Variants in PIEZO2 observed in about 807,000 individuals in gnomAD.
PIEZO2 encodes the protein piezo type mechanosensitive ion channel component 2.
PIEZO2 carries 172 observed loss-of-function variants against 337.3 expected under a neutral mutation model. The observed-to-expected ratio is 0.51, with a 90% CI of 0.45 to 0.58. The LOEUF is 0.58. PIEZO2 is among the 20% of genes least tolerant of loss of function. The pLI is 0.00. For synonymous variants in PIEZO2, 1,251 were observed against 1,228.5 expected (o/e 1.02, Z -0.38); for missense variants, 3,028 against 3,391.3 (o/e 0.89, Z 2.66).
Position 11,129,713 on chromosome 18 carries a change from G to T in PIEZO2, c.64+18812C>A, listed in dbSNP as rs2040286603. ...AAGGAGACCTCCAGACTTTTACCAG[G>T]GTAACTGTGCATTGAGGAAAGGGAA... On this transcript the variant is annotated intron_variant, in intron 1 of 55. Transcript: ENST00000674853. This position sits in a 1 kb window ranked among gnomAD's most constrained non-coding sequence, Gnocchi z 4.6. Among the ~76,000 whole-genome samples the T allele has an allele frequency of 6.6e-6, 1 of 152,104 alleles. No individual in the cohort carries two copies. Among genetic ancestry groups the T allele is most frequent in the African/African-American group, 2.4e-5 (1 of 41,404 alleles).
At chr18:11,054,715 T>G (rs2037653619) in intron 2 of PIEZO2, among the ~76,000 whole-genome samples, 1 of 152,218 alleles carries the variant, frequency 6.6e-6, no homozygotes, top group Admixed American at 6.5e-5. Context: ...GAATATTTAT[T>G]TTCAACCCAT....
chr18:10,865,615 G>A (rs1395465816), intron 5 of PIEZO2, among the ~76,000 whole-genome samples: 2 of 152,182 alleles, frequency 1.3e-5, no homozygotes, highest in African/African-American at 4.8e-5. Context: ...AGAAGGAGTG[G>A]AGGTAGGGGA....
At position 11,035,314 on chromosome 18, in the gene PIEZO2, C is replaced by CCTCT. The variant is rs113371336; in HGVS notation, c.160+30809_160+30812dup. Among the ~76,000 whole-genome samples, 3 of 149,674 alleles carry CCTCT rather than the reference C, an allele frequency of 2.0e-5. No homozygotes were observed. The highest frequency in any genetic ancestry group is 3.0e-5 in the Non-Finnish European group (2 of 67,286). ...AAGCCTGGCACCTTCTCTCTCTCTCCCTCTCTCTCTCTCTCTCTCTTTCTC... is the reference window on the plus strand; with the variant it reads ...AAGCCTGGCACCTTCTCTCTCTCTCCCTCTCTCTCTCTCTCTCTCTCTCTTTCTC... On this transcript the variant is annotated intron_variant, in intron 2 of 55. Coordinates refer to ENST00000674853, the MANE Select transcript of PIEZO2 (RefSeq NM_001378183.1). The surrounding 1 kb of genome is among the most constrained non-coding windows in gnomAD (Gnocchi z 4.3).
intron 2 of PIEZO2, among the ~76,000 whole-genome samples, chr18:11,040,343 AT>A: frequency 6.6e-6 from 1 of 152,228 alleles, no homozygotes; most frequent in African/African-American, 2.4e-5. Flanking sequence ...TATTTTATTT[AT>A]TTTTCTTTAT....
chr18:10,878,456 T>A lies in PIEZO2; in HGVS notation c.330-7041A>T, dbSNP rs1199223346. Among the ~76,000 whole-genome samples, 1 of 152,186 alleles carries A rather than the reference T, an allele frequency of 6.6e-6. No individual in the cohort carries two copies. Among genetic ancestry groups the A allele is most frequent in the Admixed American group, 6.5e-5 (1 of 15,286 alleles). On this transcript the variant is annotated intron_variant, in intron 4 of 55. Transcript: ENST00000674853. The surrounding 1 kb of genome is among the most constrained non-coding windows in gnomAD (Gnocchi z 4.3). ...TAATGGCATTGAGATCACAGAGAGTTTACAAATAAAGTTTCAGTTATTTGC... is the reference window on the plus strand; with the variant it reads ...TAATGGCATTGAGATCACAGAGAGTATACAAATAAAGTTTCAGTTATTTGC...
chr18:10,834,402 G>T lies in PIEZO2; in HGVS notation c.917+20951C>A, dbSNP rs182446221. On this transcript the variant is annotated intron_variant, in intron 7 of 55. Transcript: ENST00000674853. This position sits in a 1 kb window ranked among gnomAD's most constrained non-coding sequence, Gnocchi z 4.5. ...GGATTAAATGAAGTAACTAGCACCC[G>T]ACAATACTATGTGCTCAATACACCT... Among the ~76,000 whole-genome samples the T allele has an allele frequency of 1.3e-5, 2 of 152,144 alleles. No homozygotes were observed. The highest frequency in any genetic ancestry group is 4.8e-5 in the African/African-American group (2 of 41,426).
At chr18:11,067,031 CAAAA>C (rs2038176790) in intron 1 of PIEZO2, among the ~76,000 whole-genome samples, 1 of 152,188 alleles carries the variant, frequency 6.6e-6, no homozygotes, top group African/African-American at 2.4e-5. Context: ...ACAAAGTAGA[CAAAA>C]AGTACAAAAT....
Position 10,792,425 on chromosome 18 carries a change from T to C in PIEZO2, c.1759-1101A>G, listed in dbSNP as rs186492799. ...CCCTGTGTAAGAAGCCCCACGACAG[T>C]TGCTTCCTTTTCTCCCTATCTCAGC... On this transcript the variant is annotated intron_variant, in intron 13 of 55. Coordinates refer to ENST00000674853, the MANE Select transcript of PIEZO2 (RefSeq NM_001378183.1). Among the ~76,000 whole-genome samples the C allele has an allele frequency of 5.3e-5, 8 of 152,332 alleles. No homozygotes were observed. The East Asian group carries it at 1.5e-3, about 29-fold the overall frequency.
In PIEZO2 at chr18:10,988,888, T is replaced by C. The variant is rs1220041096; in HGVS notation, c.161-9228A>G. On this transcript the variant is annotated intron_variant, in intron 2 of 55. Transcript: ENST00000674853. This position sits in a 1 kb window ranked among gnomAD's most constrained non-coding sequence, Gnocchi z 4.8. ...GTGGAATCTAAAATAGCCTAACTTGTAGAAGCAGAGAGTAGAATGGTGGTT... is the reference window on the plus strand; with the variant it reads ...GTGGAATCTAAAATAGCCTAACTTGCAGAAGCAGAGAGTAGAATGGTGGTT... Among the ~76,000 whole-genome samples, 2 of 152,074 alleles carry C rather than the reference T, an allele frequency of 1.3e-5. No homozygotes were observed. Among genetic ancestry groups the C allele is most frequent in the African/African-American group, 4.8e-5 (2 of 41,410 alleles).
rs1022159830 is a variant in PIEZO2, at chr18:10,759,889, A to C, written c.3471T>G (p.Val1157=). 7.8e-6 allele frequency: 12 copies of C among 1,537,432 alleles called. No individual in the cohort carries two copies. The highest frequency in any genetic ancestry group is 9.6e-6 in the Non-Finnish European group (11 of 1,146,942). ...AATCCATTCGCTGGCCAATGACGTT[A>C]ACTGACATTAGGAAACAGGTCTGTG... ...FGLETCFLMS[V]NVIGQRMDFY... is the part of the protein sequence containing the mutation. The change falls in exon 25 of 56, where the codon GTT becomes GTG. Residue 1157 remains valine, a synonymous_variant. Coordinates refer to ENST00000674853, the MANE Select transcript of PIEZO2 (RefSeq NM_001378183.1). This position sits in a 1 kb window ranked among gnomAD's most constrained non-coding sequence, Gnocchi z 5.5.
Position 11,116,657 on chromosome 18 carries a change from A to C in PIEZO2, c.64+31868T>G, listed in dbSNP as rs2039898411. On this transcript the variant is annotated intron_variant, in intron 1 of 55. Coordinates refer to ENST00000674853, the MANE Select transcript of PIEZO2 (RefSeq NM_001378183.1). The surrounding 1 kb of genome is among the most constrained non-coding windows in gnomAD (Gnocchi z 5.0). ...CGTGAACCCGGGAGGCGTAGCTTGC[A>C]GTGAGCCGAGATCCGCCACCGCACT... 6.6e-6 allele frequency among the ~76,000 whole-genome samples: 1 copy of C among 151,910 alleles called. No homozygotes were observed. Among genetic ancestry groups the C allele is most frequent in the Non-Finnish European group, 1.5e-5 (1 of 67,992 alleles).
In PIEZO2 at chr18:11,001,433, G is replaced by A. The variant is rs1052032835; in HGVS notation, c.161-21773C>T. Among the ~76,000 whole-genome samples the A allele has an allele frequency of 2.6e-5, 4 of 152,004 alleles. No homozygotes were observed. The highest frequency in any genetic ancestry group is 4.4e-5 in the Non-Finnish European group (3 of 68,010). On this transcript the variant is annotated intron_variant, in intron 2 of 55. Transcript: ENST00000674853. The surrounding 1 kb of genome is among the most constrained non-coding windows in gnomAD (Gnocchi z 5.3). ...GAGAGTGCAAGTTCTTTCTGCTGTC[G>A]CTCTTCTTTGACCCTGCTAGAGATG...
chr18:10,774,508 C>T (rs1186941401), intron 18 of PIEZO2, among the ~76,000 whole-genome samples: 3 of 152,158 alleles, frequency 2.0e-5, no homozygotes, highest in Non-Finnish European at 4.4e-5. Flanking sequence ...ATGTCCCCAC[C>T]TGAGAGTTAC....
intron 3 of PIEZO2, among the ~76,000 whole-genome samples, chr18:10,927,989 G>A (rs1036738284): frequency 2.0e-5 from 3 of 152,086 alleles, no homozygotes; most frequent in African/African-American, 7.2e-5. Flanking sequence ...TTAGACTAAG[G>A]AAGATTCAAA....
chr18:11,124,309 T>C (rs2040119941), intron 1 of PIEZO2, among the ~76,000 whole-genome samples: 2 of 152,204 alleles, frequency 1.3e-5, no homozygotes, highest in Admixed American at 1.3e-4. Context: ...ATGGCTACTG[T>C]ATAAAGACCC....
intron 1 of PIEZO2, among the ~76,000 whole-genome samples, chr18:11,140,761 T>C (rs772309166): frequency 4.6e-5 from 7 of 152,252 alleles, no homozygotes; most frequent in Non-Finnish European, 1.0e-4. Context: ...CCATTTTAGC[T>C]GAGCACATTA....
chr18:10,751,828 C>T (rs1433957762), intron 28 of PIEZO2, among the ~76,000 whole-genome samples: 1 of 152,166 alleles, frequency 6.6e-6, no homozygotes, highest in African/African-American at 2.4e-5. Context: ...GCTTAATTTC[C>T]CGCAGCACTA....
intron 15 of PIEZO2, among the ~76,000 whole-genome samples, chr18:10,788,833 C>T (rs922373490): frequency 2.0e-5 from 3 of 152,202 alleles, no homozygotes; most frequent in African/African-American, 7.2e-5. Flanking sequence ...CAGTCCTCCT[C>T]CCTTGCCTCC....
At chr18:10,958,594 A>G (rs757909824) in intron 3 of PIEZO2, among the ~76,000 whole-genome samples, 3 of 152,224 alleles carry the variant, frequency 2.0e-5, no homozygotes, top group Non-Finnish European at 4.4e-5. Context: ...AATTAGCTTG[A>G]TTAAGTCTTT....
Sources: gnomAD v4.1 joint callset for allele counts (sites outside exome capture counted in the v4.1 genomes callset) on GRCh38, gnomAD v4.1.1 for gene constraint, Gnocchi (gnomAD v3.1) non-coding constraint, MANE v1.5 for transcripts, NCBI Gene and HGNC (gene_info 2026-07-23, HGNC 2026-07-21) for gene names.